GRID2: variants seen among roughly 807,000 people sequenced by gnomAD.
GRID2 encodes the protein glutamate ionotropic receptor delta type subunit 2.
In GRID2, 33 loss-of-function variants were observed where a neutral mutation model predicts 114.8. The observed-to-expected ratio is 0.29, with a 90% CI of 0.22 to 0.38. The LOEUF (loss-of-function observed/expected upper bound fraction) is 0.38. Ranked by LOEUF, GRID2 falls within the 10% of genes least tolerant of loss-of-function variation. The pLI is 1.00. For missense variants in GRID2, 1,184 were observed against 1,257.7 expected, an observed-to-expected ratio of 0.94 and a Z score of 0.89; for synonymous variants, 505 against 449.9, an observed-to-expected ratio of 1.12 and a Z score of -1.55.
At position 92,890,138 on chromosome 4, in the gene GRID2, C is replaced by T. The variant is rs147066529; in HGVS notation, c.245-194857C>T. On this transcript the variant is annotated intron_variant, in intron 2 of 15. Transcript: ENST00000282020. ...ACTCAAGATGAATTAAAGACTTAAA[C>T]GAAAGGCCTAAACCCATAAAAACCC... Among the ~76,000 whole-genome samples, 62 of 152,142 alleles carry T rather than the reference C, an allele frequency of 4.1e-4. No homozygotes were observed. In the East Asian group the frequency reaches 6.2e-3, roughly 15 times the overall value.
In GRID2 at chr4:92,443,210, G is replaced by A. The variant is rs537878551; in HGVS notation, c.88+138466G>A. ...GCCTGGACGTCAGGCACCTCAGACCGTTTGCCTATTTTATGACAAGAATTA... is the reference window on the plus strand; with the variant it reads ...GCCTGGACGTCAGGCACCTCAGACCATTTGCCTATTTTATGACAAGAATTA... On this transcript the variant is annotated intron_variant, in intron 1 of 15. Transcript: ENST00000282020. Among the ~76,000 whole-genome samples, 497 of 152,188 alleles carry A rather than the reference G, an allele frequency of 3.3e-3. 4 individuals carry two copies. The highest frequency in any genetic ancestry group is 0.011 in the African/African-American group (446 of 41,492).
chr4:93,685,329 A>T (rs1725977624), intron 14 of GRID2, among the ~76,000 whole-genome samples: 1 of 151,998 alleles, frequency 6.6e-6, no homozygotes, highest in Non-Finnish European at 1.5e-5. Context: ...GTCTTATCAA[A>T]ATCATGTGCT....
intron 14 of GRID2, among the ~76,000 whole-genome samples, chr4:93,652,784 TA>T (rs200098114): frequency 1.4e-3 from 124 of 86,376 alleles, no homozygotes; most frequent in East Asian, 5.7e-3. Flanking sequence ...CAGTAAATGC[TA>T]AAAAAAAAAA....
chr4:93,363,285 G>C (rs1375273913), intron 8 of GRID2, among the ~76,000 whole-genome samples: 1 of 152,062 alleles, frequency 6.6e-6, no homozygotes, highest in Admixed American at 6.6e-5. Context: ...CTCTACTCCA[G>C]CTGCATCAGT....
chr4:93,575,924 A>G (rs1479377521), intron 13 of GRID2, among the ~76,000 whole-genome samples: 1 of 152,146 alleles, frequency 6.6e-6, no homozygotes, highest in East Asian at 1.9e-4. Flanking sequence ...GGTGTTTTTA[A>G]TTCTAAAAGG....
chr4:92,889,647 C>T (rs537455941), intron 2 of GRID2, among the ~76,000 whole-genome samples: 4 of 152,132 alleles, frequency 2.6e-5, no homozygotes, highest in Non-Finnish European at 5.9e-5. Flanking sequence ...ATATCGCATG[C>T]TCATGGATAA....
chr4:92,748,066 T>G (rs774898788), intron 2 of GRID2, among the ~76,000 whole-genome samples: 30 of 152,334 alleles, frequency 2.0e-4, no homozygotes, highest in South Asian at 6.2e-4. Context: ...ACTCCTTTAC[T>G]TGCTTTCATC....
At chr4:92,796,741 T>C (rs980911801) in intron 2 of GRID2, among the ~76,000 whole-genome samples, 1 of 151,916 alleles carries the variant, frequency 6.6e-6, no homozygotes, top group Non-Finnish European at 1.5e-5. Flanking sequence ...CCTGATATCA[T>C]TCTGTACATC....
intron 1 of GRID2, among the ~76,000 whole-genome samples, chr4:92,422,809 T>A (rs1731969913): frequency 6.6e-6 from 1 of 152,140 alleles, no homozygotes; most frequent in Non-Finnish European, 1.5e-5. Context: ...GCAAAAGCAG[T>A]CTAGTCCCCA....
At chr4:92,530,260 CAG>C (rs751081876) in intron 1 of GRID2, among the ~76,000 whole-genome samples, 6 of 151,584 alleles carry the variant, frequency 4.0e-5, no homozygotes, top group Non-Finnish European at 5.9e-5. Context: ...TGGATATTGA[CAG>C]AGAATTTCAA....
At position 92,858,950 on chromosome 4, in the gene GRID2, G is replaced by T. The variant is rs922772835; in HGVS notation, c.245-226045G>T. Among the ~76,000 whole-genome samples, 16 of 152,304 alleles carry T rather than the reference G, an allele frequency of 1.1e-4. 1 individual carries two copies. Among genetic ancestry groups the T allele is most frequent in the Admixed American group, 3.3e-4 (5 of 15,294 alleles). Reference sequence around the variant, plus strand: ...AATATACTTTGAACATTGTTGAAATGACAACAAAGGATTTCAAATATTGCA... The same window carrying T: ...AATATACTTTGAACATTGTTGAAATTACAACAAAGGATTTCAAATATTGCA... On this transcript the variant is annotated intron_variant, in intron 2 of 15. Transcript: ENST00000282020.
chr4:92,554,301 T>C (rs1228256827), intron 1 of GRID2, among the ~76,000 whole-genome samples: 1 of 152,138 alleles, frequency 6.6e-6, no homozygotes, highest in Non-Finnish European at 1.5e-5. Flanking sequence ...AGAAATCGAG[T>C]AATATGATTT....
At chr4:92,845,349 G>A (rs148846433) in intron 2 of GRID2, among the ~76,000 whole-genome samples, 320 of 152,082 alleles carry the variant, frequency 2.1e-3, no homozygotes, top group Middle Eastern at 3.4e-3. Context: ...TTAAGATATA[G>A]CATTAAATTG....
intron 8 of GRID2, among the ~76,000 whole-genome samples, chr4:93,390,467 G>A (rs893165205): frequency 6.6e-6 from 1 of 152,136 alleles, no homozygotes; most frequent in Non-Finnish European, 1.5e-5. Flanking sequence ...TCAGTTAGTG[G>A]TCCCAAAAAC....
At chr4:93,616,613 A>G (rs1441705636) in intron 13 of GRID2, among the ~76,000 whole-genome samples, 1 of 138,490 alleles carries the variant, frequency 7.2e-6, no homozygotes, top group African/African-American at 3.0e-5. Context: ...TATTATATTT[A>G]TAAAATAAAT....
chr4:92,941,734 C>T (rs1336470157), intron 2 of GRID2, among the ~76,000 whole-genome samples: 2 of 152,152 alleles, frequency 1.3e-5, no homozygotes, highest in Non-Finnish European at 2.9e-5. Context: ...CTACACACTG[C>T]TTTGAATGTG....
chr4:92,697,968 T>A (rs2149298730), intron 2 of GRID2, among the ~76,000 whole-genome samples: 1 of 152,288 alleles, frequency 6.6e-6, no homozygotes, highest in South Asian at 2.1e-4. Flanking sequence ...TTTTGTTGTT[T>A]GCCATTTTAA....
At chr4:92,446,240 C>T (rs1310698341) in intron 1 of GRID2, among the ~76,000 whole-genome samples, 1 of 152,196 alleles carries the variant, frequency 6.6e-6, no homozygotes, top group Non-Finnish European at 1.5e-5. Context: ...AGCCTCCACA[C>T]CTGGCTTTAT....
intron 3 of GRID2, among the ~76,000 whole-genome samples, chr4:93,095,034 TAAAAC>T (rs946198104): frequency 5.9e-5 from 9 of 151,894 alleles, no homozygotes; most frequent in East Asian, 3.9e-4. Flanking sequence ...TAAATGGAAA[TAAAAC>T]AGAAAACAAA....
Sources: allele counts gnomAD v4.1 joint callset (sites outside exome capture counted in the v4.1 genomes callset), GRCh38; gene constraint gnomAD v4.1.1; transcripts MANE v1.5; gene names NCBI Gene and HGNC (gene_info 2026-07-23, HGNC 2026-07-21).